PI4KB: variants seen among roughly 807,000 people sequenced by gnomAD.
PI4KB encodes the protein phosphatidylinositol 4-kinase beta, also known as PtdIns 4-kinase beta.
A neutral mutation model predicts 81.4 loss-of-function variants in PI4KB; 23 were observed. The observed-to-expected ratio is 0.28, with a 90% CI of 0.20 to 0.40. PI4KB has a LOEUF of 0.40. PI4KB is among the 10% of genes least tolerant of loss of function. PI4KB has a pLI of 1.00. For missense variants in PI4KB, 651 were observed against 1,036.6 expected (o/e 0.63, Z 5.11); for synonymous variants, 381 against 406.8 (o/e 0.94, Z 0.76).
chr1:151,293,137 C>A, intron 11 of PI4KB, 104 bp from the exon 12 acceptor site: 1 of 1,531,422 alleles, frequency 6.5e-7, no homozygotes, highest in East Asian at 2.3e-5. Context: ...CCTTTTCCTC[C>A]CACCTCAGGT....
rs773394398 is a variant in PI4KB at position 151,292,971 on chromosome 1, T to C, written c.2332A>G (p.Met778Val). 3.1e-6 allele frequency: 5 copies of C among 1,614,064 alleles called. No individual in the cohort carries two copies. Among genetic ancestry groups the C allele is most frequent in the African/African-American group, 1.3e-5 (1 of 74,928 alleles). ...TGCAGCTGCTCCTCAGTCATGCTCA[T>C]GTGGAACCTCTCTTTGAGGTTTCGA... The part of the protein sequence containing the change: ...TIRNLKERFH[M>V]SMTEEQLQLL... The change falls in exon 12 of 12, where the codon ATG becomes GTG. Residue 778 changes from methionine to valine, a missense_variant. Met to Val is a conservative substitution (Grantham distance 21). Transcript: ENST00000368873.
chr1:151,321,872 T>TAAAA (rs35519740), intron 1 of PI4KB, among the ~76,000 whole-genome samples: 1 of 73,794 alleles, frequency 1.4e-5, no homozygotes, highest in Non-Finnish European at 2.7e-5. Context: ...GACTCTGTCT[T>TAAAA]AAAAAAAAAA....
intron 3 of PI4KB, among the ~76,000 whole-genome samples, chr1:151,308,357 C>T (rs1407143234): frequency 6.6e-6 from 1 of 152,202 alleles, no homozygotes; most frequent in Non-Finnish European, 1.5e-5. Context: ...ATGGTATCCC[C>T]CTGTCCGTCC....
intron 2 of PI4KB, among the ~76,000 whole-genome samples, chr1:151,314,374 G>T (rs1647589102): frequency 6.6e-6 from 1 of 152,216 alleles, no homozygotes; most frequent in African/African-American, 2.4e-5. Context: ...CCATTGTCTG[G>T]CTGGGACACC....
At chr1:151,326,283 G>T in intron 1 of PI4KB, 1 of 1,163,756 alleles carries the variant, frequency 8.6e-7, no homozygotes. Context: ...CCGGCCTTCA[G>T]AAACACCCTT....
At chr1:151,304,079 T>G (rs1260786458) in intron 5 of PI4KB, among the ~76,000 whole-genome samples, 2 of 152,226 alleles carry the variant, frequency 1.3e-5, no homozygotes, top group Non-Finnish European at 2.9e-5. Flanking sequence ...GACTAGCTTC[T>G]GACAGTTTCT....
chr1:151,307,672 T>C lies in PI4KB; in HGVS notation c.1084A>G (p.Lys362Glu). Residue 362 changes from lysine (K) to glutamate (E), a missense_variant, in exon 4 of 12, where the codon AAG becomes GAG. Lys to Glu is a moderately conservative substitution (Grantham distance 56, BLOSUM62 1). Around this residue, in one of 5 missense-constraint regions of PI4KB, gnomAD observed 246 missense variants for 430.1 expected, o/e 0.57. Coordinates refer to ENST00000368873, the MANE Select transcript of PI4KB (RefSeq NM_001369623.2). ...LISELSLLNHKLPARVWLPTA... is the reference protein window; with the variant it reads ...LISELSLLNHELPARVWLPTA... ...GGCAGCCAGACTCGGGCAGGGAGCT[T>C]ATGGTTGAGCAGGGAGAGCTCTGAG... The C allele has an allele frequency of 6.2e-7, 1 of 1,613,958 alleles. No homozygotes were observed. The highest frequency in any genetic ancestry group is 8.5e-7 in the Non-Finnish European group (1 of 1,179,956).
chr1:151,313,842 C>T (rs1647494881), intron 2 of PI4KB, among the ~76,000 whole-genome samples: 1 of 152,190 alleles, frequency 6.6e-6, no homozygotes, highest in Non-Finnish European at 1.5e-5. Context: ...TGAGAAATAA[C>T]CAAGGTAGTT....
In PI4KB at chr1:151,298,998, T is replaced by C. The variant is rs368818592; in HGVS notation, c.1825A>G (p.Met609Val). 6.2e-7 allele frequency: 1 copy of C among 1,614,150 alleles called. No individual in the cohort carries two copies. The highest frequency in any genetic ancestry group is 8.5e-7 in the Non-Finnish European group (1 of 1,179,982). ...KILVISADSG[M>V]IEPVVNAVSI... ...ACAGCATTGACCACTGGTTCAATCA[T>C]GCCACTATCAGCCGAAATCACAAGA... The change falls in exon 9 of 12, where the codon ATG becomes GTG. Residue 609 changes from methionine to valine, a missense_variant. Transcript: ENST00000368873.
Position 151,292,818 on chromosome 1 carries a change from T to C in PI4KB, c.*34A>G. The C allele has an allele frequency of 6.2e-7, 1 of 1,600,206 alleles. No homozygotes were observed. Among genetic ancestry groups the C allele is most frequent in the South Asian group, 1.1e-5 (1 of 90,428 alleles). On this transcript the variant is annotated 3_prime_UTR_variant, in exon 12 of 12. Coordinates refer to ENST00000368873, the MANE Select transcript of PI4KB (RefSeq NM_001369623.2). ...CAAGGGCCCTCTAGGGAGGGTGCCC[T>C]GGACCCCCCACCACTCCTGGGCTGA...
At chr1:151,325,953 G>GA (rs1649550343) in intron 1 of PI4KB, among the ~76,000 whole-genome samples, 1 of 152,140 alleles carries the variant, frequency 6.6e-6, no homozygotes, top group African/African-American at 2.4e-5. Context: ...TCCCGATTCT[G>GA]AATGTACAAG....
At chr1:151,308,832 C>T (rs913990697) in intron 3 of PI4KB, among the ~76,000 whole-genome samples, 1 of 152,196 alleles carries the variant, frequency 6.6e-6, no homozygotes, top group Admixed American at 6.5e-5. Flanking sequence ...ATTTGACTCA[C>T]CAAGCCTTTC....
At chr1:151,310,282 A>G in intron 2 of PI4KB, 27 bp from the exon 3 acceptor site, 1 of 921,042 alleles carries the variant, frequency 1.1e-6, no homozygotes, top group Non-Finnish European at 1.7e-6. Flanking sequence ...GGGCAAAGGG[A>G]GAAGGAGGGG....
intron 2 of PI4KB, among the ~76,000 whole-genome samples, chr1:151,313,911 T>C (rs587704924): frequency 1.3e-5 from 2 of 152,356 alleles, no homozygotes; most frequent in East Asian, 1.9e-4. Context: ...CATTCACTAG[T>C]TGAGGGACCT....
Position 151,292,720 on chromosome 1 carries a change from G to T in PI4KB, c.*132C>A. 1.2e-6 allele frequency: 1 copy of T among 801,548 alleles called. No individual in the cohort carries two copies. Among genetic ancestry groups the T allele is most frequent in the Non-Finnish European group, 1.9e-6 (1 of 515,214 alleles). 49.7% of individuals were successfully genotyped at this position (801,548 alleles called of 1,614,324 possible). On this transcript the variant is annotated 3_prime_UTR_variant, in exon 12 of 12. Coordinates refer to ENST00000368873, the MANE Select transcript of PI4KB (RefSeq NM_001369623.2). The stretch of plus-strand genomic sequence containing the variant: ...TCTCGCAGTTACCACATGATCCTTC[G>T]TGTTTCTTGCCTTCCATTTCCCTTG...
intron 11 of PI4KB, 151 bp from the exon 12 acceptor site, chr1:151,293,184 A>T: frequency 6.8e-7 from 1 of 1,470,994 alleles, no homozygotes; most frequent in Non-Finnish European, 9.0e-7. Flanking sequence ...TTGGGCAGAG[A>T]GAAGGAACCG....
At chr1:151,315,136 G>A (rs754249921) in intron 2 of PI4KB, among the ~76,000 whole-genome samples, 9 of 152,028 alleles carry the variant, frequency 5.9e-5, no homozygotes, top group Admixed American at 6.6e-5. Context: ...CCACCACCAC[G>A]CCTGGCTAAT....
rs1649814638 is a variant in PI4KB, at chr1:151,327,376, T to TTCCG, written c.-135_-134insCGGA. On this transcript the variant is annotated 5_prime_UTR_variant, in exon 1 of 12. Coordinates refer to ENST00000368873, the MANE Select transcript of PI4KB (RefSeq NM_001369623.2). ...CCCGGGTTCCATTGGCCGCCTGCGC[T>TTCCG]TCCCTGACAGCGGCCGCGGAGGCTG... 2.5e-6 allele frequency: 1 copy of TTCCG among 397,784 alleles called. No homozygotes were observed. The highest frequency in any genetic ancestry group is 4.4e-5 in the Admixed American group (1 of 22,694). 24.6% of individuals were successfully genotyped at this position (397,784 alleles called of 1,614,324 possible). A position where few individuals can be genotyped will look rare whatever the true frequency, so the allele number is the denominator to read the frequency against.
In PI4KB at chr1:151,298,920, G is replaced by T; in HGVS notation, c.1903C>A (p.Leu635Ile). Residue 635 changes from leucine to isoleucine, a missense_variant, in exon 9 of 12, where the codon CTA becomes ATA. Transcript: ENST00000368873. ...GTGGTGTAACTGCCGTGCTCCTGTA[G>T]GAAGTAATCGAGCAAGGAGAGCTGT... Reference protein sequence around the residue: ...QSQLSLLDYFLQEHGSYTTEA... With the variant: ...QSQLSLLDYFIQEHGSYTTEA... 6.2e-7 allele frequency: 1 copy of T among 1,614,150 alleles called. No homozygotes were observed.
Sources: gnomAD v4.1 joint callset for allele counts (sites outside exome capture counted in the v4.1 genomes callset) on GRCh38, gnomAD v4.1.1 for gene constraint, gnomAD v4.1.1 regional missense constraint, MANE v1.5 for transcripts, NCBI Gene and HGNC (gene_info 2026-07-23, HGNC 2026-07-21) for gene names.